The following AHR variants were observed in gnomAD, a reference collection of about 807,000 sequenced individuals.
AHR encodes the protein AH-receptor.
In AHR, 40 loss-of-function variants were observed where a neutral mutation model predicts 86.8. The ratio of observed to expected loss-of-function variants is 0.46; its 90% CI spans 0.36 to 0.60. AHR has a LOEUF of 0.60. Ranked by LOEUF, AHR falls within the 20% of genes least tolerant of loss-of-function variation. The pLI is 0.00. For missense variants in AHR, 1,001 were observed against 1,011.6 expected (o/e 0.99, Z 0.14); for synonymous variants, 398 against 354.9 (o/e 1.12, Z -1.37).
In AHR at chr7:17,339,760, G is replaced by C; in HGVS notation, c.1935G>C (p.Met645Ile). 6.2e-7 allele frequency: 1 copy of C among 1,614,186 alleles called. No homozygotes were observed. The highest frequency in any genetic ancestry group is 8.5e-7 in the Non-Finnish European group (1 of 1,180,030). The change falls in exon 10 of 11, where the codon ATG (methionine) becomes ATC (isoleucine). Residue 645 changes from methionine (M) to isoleucine (I), a missense_variant. By Grantham distance (10) the Met-to-Ile change is conservative. Coordinates refer to ENST00000242057, the MANE Select transcript of AHR (RefSeq NM_001621.5). ...AGCTGTGTCAGAAGATGAAGCACAT[G>C]CAAGTTAATGGCATGTTTGAAAATT... ...QQQLCQKMKH[M>I]QVNGMFENWN...
At position 17,299,225 on chromosome 7, in the gene AHR, C is replaced by A; in HGVS notation, c.-40C>A. On this transcript the variant is annotated 5_prime_UTR_variant, in exon 1 of 11. Coordinates refer to ENST00000242057, the MANE Select transcript of AHR (RefSeq NM_001621.5). ...ACACCGGGTTCCGGGGACCCGGCCG[C>A]CAGTGCCCGGGGAGTAGCCGCCGCC... 1 of 1,602,604 alleles carries A rather than the reference C, an allele frequency of 6.2e-7. No individual in the cohort carries two copies. Among genetic ancestry groups the A allele is most frequent in the South Asian group, 1.1e-5 (1 of 89,954 alleles).
intron 2 of AHR, among the ~76,000 whole-genome samples, chr7:17,310,797 A>G (rs578254273): frequency 6.6e-6 from 1 of 152,042 alleles, no homozygotes; most frequent in African/African-American, 2.4e-5. Flanking sequence ...CAGCCTCCCA[A>G]AGTGCTGGGA....
In AHR at chr7:17,342,905, C is replaced by A; in HGVS notation, c.2404-16C>A. The A allele has an allele frequency of 3.7e-6, 6 of 1,609,828 alleles. No homozygotes were observed. Among genetic ancestry groups the A allele is most frequent in the African/African-American group, 1.3e-5 (1 of 74,860 alleles). On this transcript the variant is annotated splice_polypyrimidine_tract_variant and intron_variant, in intron 10 of 10. Coordinates refer to ENST00000242057, the MANE Select transcript of AHR (RefSeq NM_001621.5). ...AGATCTATTCCAATAAGTTGCATCA[C>A]CATTTTTGTTTTCAGTTTCAGAATG... is the stretch of plus-strand genomic sequence containing the variant.
intron 3 of AHR, among the ~76,000 whole-genome samples, chr7:17,325,788 G>A (rs1027178438): frequency 2.0e-5 from 3 of 152,132 alleles, no homozygotes; most frequent in East Asian, 1.9e-4. Flanking sequence ...CACTGGGGCC[G>A]TTTAGAGGCT....
At chr7:17,303,785 G>A (rs1049056055) in intron 1 of AHR, among the ~76,000 whole-genome samples, 23 of 152,084 alleles carry the variant, frequency 1.5e-4, no homozygotes, top group African/African-American at 5.1e-4. Flanking sequence ...GGATAGAAAA[G>A]TATGTGTTGT....
At chr7:17,327,263 A>T (rs1782239503) in intron 3 of AHR, among the ~76,000 whole-genome samples, 1 of 151,982 alleles carries the variant, frequency 6.6e-6, no homozygotes, top group South Asian at 2.1e-4. Flanking sequence ...TATATTTTAT[A>T]TATATAGTGT....
chr7:17,316,789 A>T (rs1782119183), intron 2 of AHR, among the ~76,000 whole-genome samples: 1 of 152,056 alleles, frequency 6.6e-6, no homozygotes, highest in South Asian at 2.1e-4. Flanking sequence ...TTTCTGTGTT[A>T]TGGAGACATT....
At chr7:17,341,527 A>G (rs760471968) in intron 10 of AHR, among the ~76,000 whole-genome samples, 2 of 152,072 alleles carry the variant, frequency 1.3e-5, no homozygotes, top group Non-Finnish European at 2.9e-5. Context: ...ATAGACCTAC[A>G]TATGTTCCAG....
intron 10 of AHR, among the ~76,000 whole-genome samples, chr7:17,341,548 A>G (rs1192156875): frequency 6.6e-6 from 1 of 152,166 alleles, no homozygotes; most frequent in East Asian, 1.9e-4. Context: ...AGTACATGTT[A>G]TTGAGCTAAG....
chr7:17,316,093 T>C (rs1380093759), intron 2 of AHR, among the ~76,000 whole-genome samples: 2 of 152,158 alleles, frequency 1.3e-5, no homozygotes, highest in Non-Finnish European at 2.9e-5. Flanking sequence ...AGAGTTGACT[T>C]AAGATACTTT....
intron 3 of AHR, among the ~76,000 whole-genome samples, chr7:17,327,362 A>T (rs191106268): frequency 2.9e-3 from 448 of 152,074 alleles, no homozygotes; most frequent in Non-Finnish European, 4.3e-3. Context: ...TTTTCTATTA[A>T]TGTTCCCAGT....
chr7:17,321,687 A>G (rs1046862810), intron 2 of AHR, among the ~76,000 whole-genome samples: 1 of 151,850 alleles, frequency 6.6e-6, no homozygotes, highest in East Asian at 1.9e-4. Flanking sequence ...CTATCATGCC[A>G]TCAGACTTTC....
intron 3 of AHR, among the ~76,000 whole-genome samples, chr7:17,324,076 A>G (rs993471275): frequency 6.6e-6 from 1 of 152,210 alleles, no homozygotes; most frequent in Non-Finnish European, 1.5e-5. Context: ...TGTCAGGGAA[A>G]CAGAATAACA....
rs374953443 is a variant in AHR, at chr7:17,344,202, C to T, written c.*1138C>T. ...TATATTGTGTTGACTTTATAAATTT[C>T]GCTTCTTAGAACAGTGGAAACTATG... On this transcript the variant is annotated 3_prime_UTR_variant, in exon 11 of 11. Coordinates refer to ENST00000242057, the MANE Select transcript of AHR (RefSeq NM_001621.5). 3 of 152,790 alleles carry T rather than the reference C, an allele frequency of 2.0e-5. No homozygotes were observed. The highest frequency in any genetic ancestry group is 6.5e-5 in the Admixed American group (1 of 15,292). 9.5% of individuals were successfully genotyped at this position (152,790 alleles called of 1,614,324 possible). A position where few individuals can be genotyped will look rare whatever the true frequency, so the allele number is the denominator to read the frequency against.
At chr7:17,342,396 A>G (rs1004207819) in intron 10 of AHR, among the ~76,000 whole-genome samples, 3 of 152,190 alleles carry the variant, frequency 2.0e-5, no homozygotes, top group African/African-American at 7.2e-5. Context: ...TATATTATGA[A>G]TAAGAAATCG....
Position 17,299,340 on chromosome 7 carries a change from C to G in AHR, c.65+11C>G, listed in dbSNP as rs1180754616. 33 of 1,611,328 alleles carry G rather than the reference C, an allele frequency of 2.0e-5. No individual in the cohort carries two copies. The highest frequency in any genetic ancestry group is 2.5e-5 in the Non-Finnish European group (29 of 1,179,258). On this transcript the variant is annotated intron_variant, in intron 1 of 10. Transcript: ENST00000242057. ...GCCGGTGCAGAAAACGTGAGTGTCC[C>G]GAGCGCGTCCTCATCGCGGGGGCTG...
At position 17,339,125 on chromosome 7, in the gene AHR, G is replaced by A; in HGVS notation, c.1300G>A (p.Gly434Ser). Residue 434 changes from glycine (G) to serine (S), a missense_variant, in exon 10 of 11, where the codon GGC (glycine) becomes AGC (serine). By Grantham distance (56) the Gly-to-Ser change is moderately conservative (BLOSUM62 0). Transcript: ENST00000242057. ...TCCCTTACCACTAAGGACTAAAAAT[G>A]GCACTAGTGGAAAAGACTCTGCTAC... Reference protein sequence around the residue: ...MDPLPLRTKNGTSGKDSATTS... With the variant: ...MDPLPLRTKNSTSGKDSATTS... The A allele has an allele frequency of 6.2e-7, 1 of 1,614,106 alleles. No individual in the cohort carries two copies. Among genetic ancestry groups the A allele is most frequent in the Non-Finnish European group, 8.5e-7 (1 of 1,180,018 alleles).
intron 1 of AHR, among the ~76,000 whole-genome samples, chr7:17,300,708 A>G (rs1781946604): frequency 6.6e-6 from 1 of 152,124 alleles, no homozygotes. Context: ...ATGGTTTCTT[A>G]TATTAAAGTA....
intron 8 of AHR, 48 bp from the exon 9 acceptor site, chr7:17,335,597 T>A: frequency 6.8e-7 from 1 of 1,463,884 alleles, no homozygotes; most frequent in East Asian, 2.5e-5. Context: ...TAATCTTTAC[T>A]ATATTGATTT....
Sources: gnomAD v4.1 joint callset for allele counts (sites outside exome capture counted in the v4.1 genomes callset) on GRCh38, gnomAD v4.1.1 for gene constraint, MANE v1.5 for transcripts, NCBI Gene and HGNC (gene_info 2026-07-23, HGNC 2026-07-21) for gene names.